Variants in ARL15 observed in about 807,000 individuals in gnomAD.
ARL15 encodes the protein ADP-ribosylation factor-like protein 15.
Under a neutral mutation model 25.2 loss-of-function variants are expected in ARL15, and 19 were observed. The ratio of observed to expected loss-of-function variants is 0.75; its 90% CI spans 0.53 to 1.10. ARL15 has a LOEUF of 1.10. Ranked by LOEUF, ARL15 falls within the 50% of genes least tolerant of loss-of-function variation. The pLI, the probability that ARL15 is intolerant of heterozygous loss-of-function variation, is 0.00. For synonymous variants in ARL15, 94 were observed against 86.8 expected (o/e 1.08, Z -0.46); for missense variants, 220 against 246.0 (o/e 0.89, Z 0.71).
intron 4 of ARL15, among the ~76,000 whole-genome samples, chr5:54,003,656 T>TTTTC (rs61374858): frequency 4.0e-5 from 5 of 126,202 alleles, no homozygotes; most frequent in African/African-American, 1.6e-4. Context: ...TCAGAAAATA[T>TTTTC]TTTCTTTCTA....
At chr5:53,901,856 T>A (rs955779268) in intron 4 of ARL15, among the ~76,000 whole-genome samples, 2 of 152,230 alleles carry the variant, frequency 1.3e-5, no homozygotes, top group Non-Finnish European at 2.9e-5. Flanking sequence ...GCTAAAAGCT[T>A]AGACTGGGAT....
At chr5:54,295,531 C>T (rs1469951412) in intron 1 of ARL15, among the ~76,000 whole-genome samples, 4 of 152,176 alleles carry the variant, frequency 2.6e-5, no homozygotes, top group Middle Eastern at 3.4e-3. Flanking sequence ...TAGGAGCAAT[C>T]GCGTGATCAC....
In ARL15 at chr5:53,991,563, G is replaced by A. The variant is rs564965141; in HGVS notation, c.463-104850C>T. On this transcript the variant is annotated intron_variant, in intron 4 of 4. Coordinates refer to ENST00000504924, the MANE Select transcript of ARL15 (RefSeq NM_019087.3). ...ATCTCAAAAAAAAAAAAAAAAAAAG[G>A]GGGGGCGGGGGGCAATTGAAGCAAT... is the stretch of plus-strand genomic sequence containing the variant. Among the ~76,000 whole-genome samples, 786 of 127,860 alleles carry A rather than the reference G, an allele frequency of 6.1e-3. 24 individuals carry two copies. The highest frequency in any genetic ancestry group is 0.034 in the East Asian group (149 of 4,406). 83.9% of individuals were successfully genotyped at this position (127,860 alleles called of 152,430 possible). A position where few individuals can be genotyped will look rare whatever the true frequency, so the allele number is the denominator to read the frequency against.
intron 4 of ARL15, among the ~76,000 whole-genome samples, chr5:53,890,395 C>T (rs1304213214): frequency 6.6e-6 from 1 of 152,074 alleles, no homozygotes; most frequent in Non-Finnish European, 1.5e-5. Flanking sequence ...AGGCCATTTA[C>T]TTATCAAGAT....
At chr5:53,907,829 G>C (rs1214986049) in intron 4 of ARL15, among the ~76,000 whole-genome samples, 3 of 151,940 alleles carry the variant, frequency 2.0e-5, no homozygotes, top group Non-Finnish European at 4.4e-5. Flanking sequence ...CTCTGTGTGA[G>C]CAATGCCTAA....
chr5:54,110,471 C>CTAGAA (rs1184899017), intron 4 of ARL15, among the ~76,000 whole-genome samples: 3 of 151,976 alleles, frequency 2.0e-5, no homozygotes, highest in Non-Finnish European at 4.4e-5. Context: ...GACTGATTAT[C>CTAGAA]TTTTCTAACT....
intron 4 of ARL15, among the ~76,000 whole-genome samples, chr5:53,893,152 C>T (rs540101999): frequency 5.3e-5 from 8 of 152,104 alleles, no homozygotes; most frequent in African/African-American, 1.9e-4. Context: ...ATGGTGGGGC[C>T]CGCTGACATA....
intron 3 of ARL15, among the ~76,000 whole-genome samples, chr5:54,136,619 A>C (rs1753611749): frequency 6.6e-6 from 1 of 152,230 alleles, no homozygotes; most frequent in South Asian, 2.1e-4. Flanking sequence ...AATGTTACAC[A>C]ATAAAAACAT....
At position 53,885,447 on chromosome 5, in the gene ARL15, A is replaced by T. The variant is rs1418293951; in HGVS notation, c.*1114T>A. 14 of 152,628 alleles carry T rather than the reference A, an allele frequency of 9.2e-5. No homozygotes were observed. Among genetic ancestry groups the T allele is most frequent in the Admixed American group, 9.2e-4 (14 of 15,280 alleles). The allele number at this position is 152,628 out of a possible 1,614,324, so 9.5% of individuals were successfully genotyped here. A position where few individuals can be genotyped will look rare whatever the true frequency, so the allele number is the denominator to read the frequency against. On this transcript the variant is annotated 3_prime_UTR_variant, in exon 5 of 5. Transcript: ENST00000504924. The stretch of plus-strand genomic sequence containing the variant: ...CTGAATATGAGTCCCAATATTATTT[A>T]TTTGCTGCAGCCCCAGCACAATTTT...
chr5:54,079,895 G>A (rs1288914053), intron 4 of ARL15, among the ~76,000 whole-genome samples: 5 of 151,590 alleles, frequency 3.3e-5, no homozygotes, highest in East Asian at 1.9e-4. Context: ...ACTTGAACCC[G>A]GGAGGCGGAG....
intron 4 of ARL15, among the ~76,000 whole-genome samples, chr5:54,076,187 C>T (rs1374227379): frequency 6.6e-6 from 1 of 151,782 alleles, no homozygotes; most frequent in East Asian, 1.9e-4. Context: ...GAGGCCAAGG[C>T]GGGTGGATCA....
intron 1 of ARL15, among the ~76,000 whole-genome samples, chr5:54,241,993 A>C (rs1000410473): frequency 6.6e-5 from 10 of 152,196 alleles, no homozygotes; most frequent in Admixed American, 1.3e-4. Flanking sequence ...ACACATACAA[A>C]GGCAGAAATC....
At chr5:53,911,270 T>A (rs1745455616) in intron 4 of ARL15, among the ~76,000 whole-genome samples, 1 of 152,196 alleles carries the variant, frequency 6.6e-6, no homozygotes, top group Non-Finnish European at 1.5e-5. Flanking sequence ...TCAAGTCCCT[T>A]ACAGCAAAAT....
intron 1 of ARL15, among the ~76,000 whole-genome samples, chr5:54,211,049 A>T (rs934955616): frequency 3.3e-5 from 5 of 152,236 alleles, no homozygotes; most frequent in Admixed American, 6.5e-5. Flanking sequence ...TTATATCTTT[A>T]CACAAAACGA....
intron 4 of ARL15, among the ~76,000 whole-genome samples, chr5:54,035,850 C>T (rs6880073): frequency 4.6e-5 from 7 of 152,038 alleles, no homozygotes; most frequent in African/African-American, 1.7e-4. Context: ...AGAAAAATTA[C>T]TTGAAAAAAT....
At chr5:53,962,783 A>G (rs1236598451) in intron 4 of ARL15, among the ~76,000 whole-genome samples, 2 of 152,190 alleles carry the variant, frequency 1.3e-5, no homozygotes, top group African/African-American at 4.8e-5. Context: ...TAAATTATGA[A>G]GACAATTGTC....
At chr5:54,112,831 G>A (rs565933659) in intron 4 of ARL15, among the ~76,000 whole-genome samples, 2 of 152,226 alleles carry the variant, frequency 1.3e-5, no homozygotes, top group African/African-American at 2.4e-5. Flanking sequence ...ACCTGAAGGC[G>A]AGTAATGCAT....
At chr5:53,976,505 G>A (rs910847957) in intron 4 of ARL15, among the ~76,000 whole-genome samples, 1 of 152,290 alleles carries the variant, frequency 6.6e-6, no homozygotes, top group Non-Finnish European at 1.5e-5. Context: ...CTTTAAGCAG[G>A]GGACTGAGAT....
At chr5:54,005,303 T>C (rs1319712012) in intron 4 of ARL15, among the ~76,000 whole-genome samples, 1 of 152,182 alleles carries the variant, frequency 6.6e-6, no homozygotes, top group African/African-American at 2.4e-5. Flanking sequence ...GCCCTTCTGT[T>C]CTCTTCTTTA....
Sources: allele counts gnomAD v4.1 joint callset (sites outside exome capture counted in the v4.1 genomes callset), GRCh38; gene constraint gnomAD v4.1.1; transcripts MANE v1.5; gene names NCBI Gene and HGNC (gene_info 2026-07-23, HGNC 2026-07-21).